The following PCDHGA3 variants were observed in gnomAD, a reference collection of about 807,000 sequenced individuals.
The protein encoded by PCDHGA3 is protocadherin gamma-A3.
PCDHGA3 carries 40 observed loss-of-function variants against 58.5 expected under a neutral mutation model. The observed-to-expected ratio is 0.68, with a 90% CI of 0.53 to 0.89. The LOEUF (loss-of-function observed/expected upper bound fraction) is 0.89, where lower values mean the gene tolerates loss of function less well. PCDHGA3 is among the 40% of genes least tolerant of loss of function. PCDHGA3 has a pLI of 0.00. For missense variants in PCDHGA3, 1,223 were observed against 1,195.9 expected, an observed-to-expected ratio of 1.02 and a Z score of -0.33; for synonymous variants, 530 against 525.7, an observed-to-expected ratio of 1.01 and a Z score of -0.11.
In PCDHGA3 at chr5:141,395,543, TG is replaced by T. The variant is rs1247307480; in HGVS notation, c.2424+49087del. 6.3e-3 allele frequency: 52 copies of T among 8,206 alleles called. 1 individual carries two copies. The highest frequency in any genetic ancestry group is 0.048 in the African/African-American group (46 of 952). 0.5% of individuals were successfully genotyped at this position (8,206 alleles called of 1,614,324 possible). On this transcript the variant is annotated intron_variant, in intron 1 of 3. Coordinates refer to ENST00000253812, the MANE Select transcript of PCDHGA3 (RefSeq NM_018916.4). ...CCATACTGGTAATTTTGCTATTGTT[TG>T]TGTGTGTGTGTGTGTGTGTGTGTGT...
intron 1 of PCDHGA3, chr5:141,375,919 C>T: frequency 1.2e-6 from 2 of 1,613,730 alleles, no homozygotes; most frequent in East Asian, 2.2e-5. Context: ...TCAAGGCCAG[C>T]GAGCCAGGAC....
In PCDHGA3 at chr5:141,345,489, C is replaced by G; in HGVS notation, c.1456C>G (p.Arg486Gly). Residue 486 changes from arginine to glycine, a missense_variant, in exon 1 of 4, where the codon CGC becomes GGC. Arg to Gly is a moderately radical substitution (Grantham distance 125). Transcript: ENST00000253812. Reference sequence around the variant, plus strand: ...GGACCCAGATAGCAACAACAACGCCCGCATCACTTATGCATTGACCGAGGA... The same window carrying G: ...GGACCCAGATAGCAACAACAACGCCGGCATCACTTATGCATTGACCGAGGA... The part of the protein sequence containing the change: ...AQDPDSNNNA[R>G]ITYALTEDTL... 1 of 1,614,128 alleles carries G rather than the reference C, an allele frequency of 6.2e-7. No homozygotes were observed. The highest frequency in any genetic ancestry group is 8.5e-7 in the Non-Finnish European group (1 of 1,180,006).
intron 1 of PCDHGA3, chr5:141,379,058 G>A (rs533303980): frequency 1.3e-5 from 2 of 152,256 alleles, no homozygotes; most frequent in South Asian, 2.1e-4. Context: ...AGAATGGATT[G>A]GCCACTTGTG....
intron 1 of PCDHGA3, chr5:141,395,285 T>A: frequency 6.5e-7 from 1 of 1,535,168 alleles, no homozygotes; most frequent in Non-Finnish European, 8.8e-7. Context: ...GAATTTTATT[T>A]GGCATAAATT....
intron 1 of PCDHGA3, chr5:141,378,052 C>A (rs75561194): frequency 5.8e-4 from 88 of 152,282 alleles, no homozygotes; most frequent in African/African-American, 2.0e-3. Context: ...CCTTATCTAT[C>A]TGACTCAAAT....
intron 1 of PCDHGA3, among the ~76,000 whole-genome samples, chr5:141,483,547 G>A (rs1202182188): frequency 6.6e-6 from 1 of 152,140 alleles, no homozygotes. Context: ...GGTTGACAGT[G>A]CCATTCACAG....
At chr5:141,499,272 GT>G (rs772636179) in intron 2 of PCDHGA3, among the ~76,000 whole-genome samples, 3 of 152,122 alleles carry the variant, frequency 2.0e-5, no homozygotes, top group Non-Finnish European at 4.4e-5. Flanking sequence ...TCCCTAGACT[GT>G]TCTCTGATGG....
chr5:141,361,258 G>A (rs957502744), intron 1 of PCDHGA3: 9 of 1,613,960 alleles, frequency 5.6e-6, no homozygotes, highest in South Asian at 1.1e-5. Context: ...GAGAGACAGA[G>A]ACTCTGGAGA....
At chr5:141,384,435 A>G in intron 1 of PCDHGA3, 1 of 1,614,008 alleles carries the variant, frequency 6.2e-7, no homozygotes, top group Non-Finnish European at 8.5e-7. Context: ...CTGACACTGG[A>G]GTCCTGTACG....
In PCDHGA3 at chr5:141,511,188, C is replaced by A; in HGVS notation, c.*15C>A. 1 of 1,613,804 alleles carries A rather than the reference C, an allele frequency of 6.2e-7. No homozygotes were observed. ...AGAAGAAGTAACATGGAGGCCAGGC[C>A]AAGAGCCACAGGGCGGCCTCTCCCC... On this transcript the variant is annotated 3_prime_UTR_variant, in exon 4 of 4. Transcript: ENST00000253812.
chr5:141,374,327 G>T (rs766746841), intron 1 of PCDHGA3: 3 of 1,613,866 alleles, frequency 1.9e-6, no homozygotes, highest in Non-Finnish European at 2.5e-6. Context: ...TCCGCGAAAC[G>T]GCAGCTTGGT....
chr5:141,348,714 A>G (rs1175259407), intron 1 of PCDHGA3, among the ~76,000 whole-genome samples: 1 of 152,202 alleles, frequency 6.6e-6, no homozygotes, highest in African/African-American at 2.4e-5. Context: ...ATCCACTACA[A>G]CAGAAAGGGA....
At chr5:141,368,326 T>C (rs1444418576) in intron 1 of PCDHGA3, among the ~76,000 whole-genome samples, 2 of 152,122 alleles carry the variant, frequency 1.3e-5, no homozygotes, top group Non-Finnish European at 2.9e-5. Context: ...TTCAAGTATA[T>C]CTATATCTAT....
intron 1 of PCDHGA3, chr5:141,419,440 C>T (rs368129873): frequency 1.9e-6 from 3 of 1,613,034 alleles, no homozygotes; most frequent in African/African-American, 2.7e-5. Context: ...AGCTGCGCAC[C>T]TTCGAGCTCA....
At chr5:141,349,617 A>G (rs975826979) in intron 1 of PCDHGA3, among the ~76,000 whole-genome samples, 2 of 152,172 alleles carry the variant, frequency 1.3e-5, no homozygotes, top group African/African-American at 4.8e-5. Flanking sequence ...GTATTACTGA[A>G]TTGATAACAT....
chr5:141,384,152 A>T (rs1588962194), intron 1 of PCDHGA3: 2 of 1,613,508 alleles, frequency 1.2e-6, no homozygotes, highest in Non-Finnish European at 1.7e-6. Flanking sequence ...CTCTCTTTGT[A>T]TAACATCACA....
chr5:141,423,848 G>C (rs1353181066), intron 1 of PCDHGA3: 1 of 1,277,462 alleles, frequency 7.8e-7, no homozygotes, highest in Non-Finnish European at 9.9e-7. Flanking sequence ...TAATCTTTCA[G>C]AACGTTTTTG....
intron 1 of PCDHGA3, chr5:141,427,811 C>T (rs1335555425): frequency 6.6e-7 from 1 of 1,523,180 alleles, no homozygotes; most frequent in Admixed American, 1.7e-5. Flanking sequence ...GCGCACAGAG[C>T]GGGGTGGTGG....
intron 1 of PCDHGA3, chr5:141,364,549 GC>G (rs748045143): frequency 1.5e-5 from 25 of 1,614,000 alleles, no homozygotes; most frequent in South Asian, 1.4e-4. Flanking sequence ...GTAGGACGCA[GC>G]TTTTTGCCCT....
Sources: allele counts gnomAD v4.1 joint callset (sites outside exome capture counted in the v4.1 genomes callset), GRCh38; gene constraint gnomAD v4.1.1; transcripts MANE v1.5; gene names NCBI Gene and HGNC (gene_info 2026-07-23, HGNC 2026-07-21).